Variants in COL14A1 observed in about 807,000 individuals in gnomAD.
The protein encoded by COL14A1 is collagen type XIV alpha 1 chain, also known as collagen alpha-1(XIV) chain.
In COL14A1, 136 loss-of-function variants were observed where a neutral mutation model predicts 230.3. The observed-to-expected ratio is 0.59, with a 90% CI of 0.51 to 0.68. The LOEUF (loss-of-function observed/expected upper bound fraction) is 0.68, where lower values mean the gene tolerates loss of function less well. Ranked by LOEUF, COL14A1 falls within the 30% of genes least tolerant of loss-of-function variation. The pLI, the probability that COL14A1 is intolerant of heterozygous loss-of-function variation, is 0.00. For missense variants in COL14A1, 1,976 were observed against 2,215.8 expected (o/e 0.89, Z 2.17); for synonymous variants, 792 against 784.1 (o/e 1.01, Z -0.17).
At chr8:120,254,297 A>G (rs1819068422) in intron 22 of COL14A1, among the ~76,000 whole-genome samples, 1 of 152,182 alleles carries the variant, frequency 6.6e-6, no homozygotes, top group Non-Finnish European at 1.5e-5. Flanking sequence ...TGCCTCCCCA[A>G]ACAACAATTT....
chr8:120,222,287 T>C (rs2130793862), intron 14 of COL14A1, among the ~76,000 whole-genome samples: 1 of 152,338 alleles, frequency 6.6e-6, no homozygotes, highest in South Asian at 2.1e-4. Context: ...TATAATGTTA[T>C]CAATCCCTGA....
At chr8:120,142,213 G>A (rs1399116964) in intron 1 of COL14A1, among the ~76,000 whole-genome samples, 1 of 152,144 alleles carries the variant, frequency 6.6e-6, no homozygotes, top group Non-Finnish European at 1.5e-5. Flanking sequence ...TGATTCTGCT[G>A]CAATATGTTT....
At chr8:120,313,478 T>C (rs1586854646) in intron 37 of COL14A1, among the ~76,000 whole-genome samples, 1 of 152,274 alleles carries the variant, frequency 6.6e-6, no homozygotes, top group African/African-American at 2.4e-5. Context: ...AAGCAGAGGC[T>C]AGGTGCAAAG....
intron 5 of COL14A1, among the ~76,000 whole-genome samples, chr8:120,188,160 G>A (rs1259876137): frequency 6.6e-6 from 1 of 150,560 alleles, no homozygotes; most frequent in Non-Finnish European, 1.5e-5. Flanking sequence ...TCAGCTCACT[G>A]CAACCTCCAC....
intron 33 of COL14A1, among the ~76,000 whole-genome samples, chr8:120,288,906 AACTTGGACATAGAGT>A (rs1442511246): frequency 6.6e-6 from 1 of 152,216 alleles, no homozygotes; most frequent in Admixed American, 6.5e-5. Flanking sequence ...TTTATGGCAG[AACTTGGACATAGAGT>A]AGTTATCCAG....
At chr8:120,228,048 C>T (rs1002288159) in intron 17 of COL14A1, among the ~76,000 whole-genome samples, 10 of 152,204 alleles carry the variant, frequency 6.6e-5, no homozygotes, top group Non-Finnish European at 1.0e-4. Flanking sequence ...TGGGATGACC[C>T]TTCTGAGTTG....
chr8:120,196,892 T>A lies in COL14A1; in HGVS notation c.538T>A (p.Phe180Ile). The A allele has an allele frequency of 6.2e-7, 1 of 1,614,114 alleles. No individual in the cohort carries two copies. Among genetic ancestry groups the A allele is most frequent in the Non-Finnish European group, 8.5e-7 (1 of 1,179,998 alleles). ...ATTCAACTTCAGACTGGTTCGGCAT[T>A]TCTTGGAAAACCTGGTTACAGCATT... is the stretch of plus-strand genomic sequence containing the variant. ...GRFNFRLVRHFLENLVTAFDV... is the reference protein window; with the variant it reads ...GRFNFRLVRHILENLVTAFDV... The change falls in exon 6 of 48, where the codon TTC becomes ATC. Residue 180 changes from phenylalanine to isoleucine, a missense_variant. Around this residue, in one of 3 missense-constraint regions of COL14A1, gnomAD observed 1,791 missense variants for 2,019.5 expected, o/e 0.89. Coordinates refer to ENST00000297848, the MANE Select transcript of COL14A1 (RefSeq NM_021110.4).
chr8:120,238,138 C>A (rs1169687919), intron 19 of COL14A1, among the ~76,000 whole-genome samples: 1 of 152,208 alleles, frequency 6.6e-6, no homozygotes, highest in Non-Finnish European at 1.5e-5. Flanking sequence ...GAGCGCTGTG[C>A]TGGGAGGTCC....
intron 4 of COL14A1, among the ~76,000 whole-genome samples, chr8:120,164,096 A>G (rs1301945336): frequency 6.6e-6 from 1 of 152,220 alleles, no homozygotes; most frequent in Non-Finnish European, 1.5e-5. Flanking sequence ...GACTCTTTTA[A>G]AAAACCCAAT....
chr8:120,283,587 CTT>C lies in COL14A1; in HGVS notation c.3825-44_3825-43del, dbSNP rs745819668. On this transcript the variant is annotated intron_variant, in intron 31 of 47. Coordinates refer to ENST00000297848, the MANE Select transcript of COL14A1 (RefSeq NM_021110.4). ...ATTTGCTTTATAATCAAAGGAGTAA[CTT>C]TTTTGAGGAAGGATACAATGAAACA... The C allele has an allele frequency of 1.6e-5, 24 of 1,542,262 alleles. No homozygotes were observed. The South Asian group carries it at 2.8e-4, about 18-fold the overall frequency.
chr8:120,251,515 C>T (rs1056744712), intron 22 of COL14A1, among the ~76,000 whole-genome samples: 1 of 152,162 alleles, frequency 6.6e-6, no homozygotes, highest in African/African-American at 2.4e-5. Context: ...GTTGTCTGCA[C>T]ACCATCTGGG....
chr8:120,132,326 A>ATT (rs1236688894), intron 1 of COL14A1, among the ~76,000 whole-genome samples: 2 of 152,032 alleles, frequency 1.3e-5, no homozygotes, highest in African/African-American at 4.8e-5. Context: ...TCCTTTCCCC[A>ATT]TTGCTTGTTT....
At position 120,178,712 on chromosome 8, in the gene COL14A1, A is replaced by G. The variant is rs571343880; in HGVS notation, c.436+10465A>G. On this transcript the variant is annotated intron_variant, in intron 5 of 47. Transcript: ENST00000297848. Reference sequence around the variant, plus strand: ...CCACCCACAGTGTAAAAGTGTTGCTATTTCTCCACATCCTCTCTAGCATCT... The same window carrying G: ...CCACCCACAGTGTAAAAGTGTTGCTGTTTCTCCACATCCTCTCTAGCATCT... Among the ~76,000 whole-genome samples the G allele has an allele frequency of 1.2e-4, 19 of 152,202 alleles. No homozygotes were observed. The South Asian group carries it at 2.3e-3, about 18-fold the overall frequency.
At position 120,231,789 on chromosome 8, in the gene COL14A1, T is replaced by C; in HGVS notation, c.2349+171T>C. 6.2e-6 allele frequency: 4 copies of C among 642,682 alleles called. No individual in the cohort carries two copies. The South Asian group carries it at 1.2e-4, about 19-fold the overall frequency. 39.8% of individuals were successfully genotyped at this position (642,682 alleles called of 1,614,324 possible). ...CTCCACTACTGGCTTCTTAGTGACC[T>C]TTATAAATCCAAAACTTGCTCCATG... On this transcript the variant is annotated intron_variant, in intron 19 of 47. Coordinates refer to ENST00000297848, the MANE Select transcript of COL14A1 (RefSeq NM_021110.4).
chr8:120,271,092 A>C (rs943067752), intron 26 of COL14A1, among the ~76,000 whole-genome samples: 2 of 151,844 alleles, frequency 1.3e-5, no homozygotes, highest in Non-Finnish European at 2.9e-5. Flanking sequence ...ATGAAGCTAG[A>C]GGCCATTATC....
At position 120,250,602 on chromosome 8, in the gene COL14A1, C is replaced by G. The variant is rs1262198691; in HGVS notation, c.2603-15C>G. ...TATTTTGTTGTAACTAAAATATATCCTCTTTCTTCTTTAGTTCCTGGTCCA... is the reference window on the plus strand; with the variant it reads ...TATTTTGTTGTAACTAAAATATATCGTCTTTCTTCTTTAGTTCCTGGTCCA... On this transcript the variant is annotated splice_polypyrimidine_tract_variant and intron_variant, in intron 21 of 47. Transcript: ENST00000297848. 23 of 1,613,658 alleles carry G rather than the reference C, an allele frequency of 1.4e-5. No homozygotes were observed. The East Asian group carries it at 4.2e-4, about 30-fold the overall frequency.
chr8:120,150,988 A>C, intron 2 of COL14A1, among the ~76,000 whole-genome samples: 1 of 152,112 alleles, frequency 6.6e-6, no homozygotes, highest in Non-Finnish European at 1.5e-5. Flanking sequence ...GACTGATTGA[A>C]AGAGTAAAAA....
intron 19 of COL14A1, among the ~76,000 whole-genome samples, chr8:120,240,599 C>T (rs1298459201): frequency 6.6e-6 from 1 of 152,066 alleles, no homozygotes. Context: ...AAGAGGAATA[C>T]CAGACCTTCC....
rs1586906729 is a variant in COL14A1 at position 120,371,201 on chromosome 8, AG to A, written c.5362del (p.Ala1788ProfsTer24). On this transcript the variant is annotated frameshift_variant, in exon 48 of 48. Coordinates refer to ENST00000297848, the MANE Select transcript of COL14A1 (RefSeq NM_021110.4). LOFTEE classifies it high-confidence loss of function. ...TCACCCCTGTCCAAGATGAGCTGGA[AG>A]CCATGGAACTGTGGGGCCCTGGAGT... is the stretch of plus-strand genomic sequence containing the variant. Reference protein sequence around the residue: ...EFTPVQDELEAMELWGPGV With the variant: ...EFTPVQDELEXMELWGPGV The A allele has an allele frequency of 3.1e-6, 5 of 1,611,856 alleles. No homozygotes were observed. Among genetic ancestry groups the A allele is most frequent in the Non-Finnish European group, 4.2e-6 (5 of 1,179,016 alleles).
Sources: allele counts gnomAD v4.1 joint callset (sites outside exome capture counted in the v4.1 genomes callset), GRCh38; gene constraint gnomAD v4.1.1; regional missense constraint gnomAD v4.1.1; transcripts MANE v1.5; gene names NCBI Gene and HGNC (gene_info 2026-07-23, HGNC 2026-07-21).